Variants in AFG2A observed in about 807,000 individuals in gnomAD.
AFG2A encodes the protein ATPase family gene 2 protein homolog A.
At chr4:123,041,541 G>GT in the AFG2A span, among the ~76,000 whole-genome samples, 24 of 151,262 alleles carry the variant, frequency 1.6e-4, no homozygotes, top group Non-Finnish European at 3.2e-4. Context: ...TGTTTTTGTT[G>GT]TTTTTTTGAG....
chr4:123,226,627 G>T, the AFG2A span, among the ~76,000 whole-genome samples: 1 of 152,152 alleles, frequency 6.6e-6, no homozygotes, highest in South Asian at 2.1e-4. Context: ...TTTTATTGAA[G>T]ATTTTTGCAT....
chr4:123,256,936 A>ATGCTATTTCTGTGTCG, the AFG2A span: 2 of 715,618 alleles, frequency 2.8e-6, no homozygotes, highest in Non-Finnish European at 3.4e-6. Context: ...CTCGACACAG[A>ATGCTATTTCTGTGTCG]AATAGCATCT....
chr4:122,933,435 A>G, the AFG2A span: 2 of 1,611,352 alleles, frequency 1.2e-6, no homozygotes, highest in Non-Finnish European at 1.7e-6. Context: ...TTATCCTTTT[A>G]CAGTGACAAA....
chr4:123,074,738 G>A, the AFG2A span, among the ~76,000 whole-genome samples: 1 of 152,078 alleles, frequency 6.6e-6, no homozygotes, highest in African/African-American at 2.4e-5. Context: ...TTGTTTCACA[G>A]ATTGTAATTC....
At chr4:123,227,767 G>A in the AFG2A span, among the ~76,000 whole-genome samples, 1 of 152,100 alleles carries the variant, frequency 6.6e-6, no homozygotes, top group Non-Finnish European at 1.5e-5. Context: ...GGGTATCCTT[G>A]TTAACTTTCT....
the AFG2A span, among the ~76,000 whole-genome samples, chr4:123,238,203 C>T: frequency 6.6e-6 from 1 of 152,212 alleles, no homozygotes; most frequent in Non-Finnish European, 1.5e-5. Context: ...CCCACTGCAG[C>T]TCAGGAAGGC....
At chr4:123,167,258 G>C in the AFG2A span, among the ~76,000 whole-genome samples, 1 of 149,274 alleles carries the variant, frequency 6.7e-6, no homozygotes, top group East Asian at 1.9e-4. Flanking sequence ...ATACTTATAT[G>C]TAGGTATCTA....
the AFG2A span, chr4:122,923,132 A>T: frequency 6.2e-7 from 1 of 1,614,010 alleles, no homozygotes; most frequent in East Asian, 2.2e-5. Context: ...CGGCTAGGGT[A>T]CCTTGTGACC....
the AFG2A span, among the ~76,000 whole-genome samples, chr4:122,939,210 C>A: frequency 6.6e-6 from 1 of 151,106 alleles, no homozygotes; most frequent in Non-Finnish European, 1.5e-5. Flanking sequence ...CTCAGCCTCC[C>A]GAGTAGCTGG....
At chr4:122,929,062 C>T in the AFG2A span, 1 of 1,613,690 alleles carries the variant, frequency 6.2e-7, no homozygotes, top group Middle Eastern at 1.7e-4. Context: ...TGGCCTATGG[C>T]AGGATTTCCT....
At chr4:123,314,757 CTTT>C in the AFG2A span, 15 of 120,382 alleles carry the variant, frequency 1.2e-4, no homozygotes, top group Non-Finnish European at 1.6e-4. Context: ...GTTGTTTTGT[CTTT>C]TTTTTTTTTT....
At chr4:123,279,972 C>G in the AFG2A span, among the ~76,000 whole-genome samples, 46 of 152,282 alleles carry the variant, frequency 3.0e-4, no homozygotes, top group South Asian at 7.0e-3. Flanking sequence ...ACTCCAATTT[C>G]TTTTAATTAA....
chr4:122,938,841 C>T, the AFG2A span, among the ~76,000 whole-genome samples: 2 of 152,024 alleles, frequency 1.3e-5, no homozygotes, highest in African/African-American at 2.4e-5. Context: ...GTCATCTACC[C>T]GCCTTGGCCT....
chr4:123,187,422 C>T, the AFG2A span, among the ~76,000 whole-genome samples: 19 of 152,128 alleles, frequency 1.2e-4, no homozygotes, highest in Admixed American at 6.5e-4. Context: ...TAGTTGTTAT[C>T]GCTGAATTCT....
At chr4:123,167,311 C>T in the AFG2A span, among the ~76,000 whole-genome samples, 3 of 150,898 alleles carry the variant, frequency 2.0e-5, no homozygotes, top group African/African-American at 7.3e-5. Flanking sequence ...CTTTCTTTCT[C>T]CATAGGTTTA....
chr4:123,041,728 A>G, the AFG2A span, among the ~76,000 whole-genome samples: 1 of 150,720 alleles, frequency 6.6e-6, no homozygotes, highest in Non-Finnish European at 1.5e-5. Context: ...TGGTTTCTCC[A>G]TGTTGGTCAG....
chr4:123,137,566 T>G, the AFG2A span, among the ~76,000 whole-genome samples: 1 of 152,208 alleles, frequency 6.6e-6, no homozygotes, highest in South Asian at 2.1e-4. Context: ...TTTACATTCT[T>G]TTAACATGTA....
the AFG2A span, chr4:123,317,392 C>G: frequency 6.6e-6 from 1 of 152,170 alleles, no homozygotes; most frequent in Non-Finnish European, 1.5e-5. Flanking sequence ...GTAACTAGCA[C>G]TTGGACTAGT....
chr4:123,017,234 A>AAGGGAG, the AFG2A span, among the ~76,000 whole-genome samples: 91 of 106,992 alleles, frequency 8.5e-4, 1 homozygote, highest in African/African-American at 2.8e-3. Context: ...GGGAGAGGGA[A>AAGGGAG]AGGGAGAGGG....
Sources: gnomAD v4.1 joint callset for allele counts (sites outside exome capture counted in the v4.1 genomes callset) on GRCh38, gnomAD v4.1.1 for gene constraint, MANE v1.5 for transcripts, NCBI Gene and HGNC (gene_info 2026-07-23, HGNC 2026-07-21) for gene names.